The following YES1 variants were observed in gnomAD, a reference collection of about 807,000 sequenced individuals.
YES1 encodes the protein YES proto-oncogene 1, Src family tyrosine kinase.
Under a neutral mutation model 70.4 loss-of-function variants are expected in YES1, and 39 were observed. The ratio of observed to expected loss-of-function variants is 0.55; its 90% CI spans 0.43 to 0.72. YES1 has a LOEUF of 0.72. Among genes scored for constraint, YES1 ranks in the 30% least tolerant of loss-of-function variants. The pLI is 0.00. For missense variants in YES1, 495 were observed against 644.8 expected (o/e 0.77, Z 2.52); for synonymous variants, 198 against 218.6 (o/e 0.91, Z 0.83).
chr18:761,715 C>G (rs1246124158), intron 1 of YES1, among the ~76,000 whole-genome samples: 3 of 152,168 alleles, frequency 2.0e-5, no homozygotes, highest in Non-Finnish European at 2.9e-5. Context: ...TCCAATAACT[C>G]TAGGATAGCC....
At chr18:757,270 A>C (rs61052658) in intron 1 of YES1, among the ~76,000 whole-genome samples, 3 of 149,926 alleles carry the variant, frequency 2.0e-5, no homozygotes. Context: ...TTGGGAGGCC[A>C]AGGCGGGCGG....
At chr18:726,813 AAAT>A (rs61125455) in intron 11 of YES1, among the ~76,000 whole-genome samples, 242 of 141,772 alleles carry the variant, frequency 1.7e-3, no homozygotes, top group African/African-American at 6.0e-3. Context: ...AAAAAAAAAA[AAAT>A]TCACATGGTA....
chr18:808,838 G>A (rs1249156699), intron 1 of YES1, among the ~76,000 whole-genome samples: 11 of 152,172 alleles, frequency 7.2e-5, no homozygotes, highest in Non-Finnish European at 1.5e-4. Context: ...ATTGTCATTT[G>A]CCTTTTGAAC....
intron 1 of YES1, among the ~76,000 whole-genome samples, chr18:770,573 TA>T (rs781588650): frequency 2.6e-5 from 4 of 152,216 alleles, no homozygotes; most frequent in Non-Finnish European, 4.4e-5. Context: ...TCAGCTTCCA[TA>T]AATTCTGATC....
At chr18:750,588 T>C (rs373556410) in intron 3 of YES1, among the ~76,000 whole-genome samples, 17 of 152,224 alleles carry the variant, frequency 1.1e-4, no homozygotes, top group East Asian at 7.7e-4. Context: ...TTGAGAACCA[T>C]TGGTCTAAAA....
At chr18:785,207 T>C (rs112601504) in intron 1 of YES1, among the ~76,000 whole-genome samples, 8,623 of 152,052 alleles carry the variant, frequency 0.057, 340 homozygotes, top group East Asian at 0.13. Flanking sequence ...ATTTTATGTG[T>C]GGCCCAAGAT....
chr18:804,182 T>A (rs563218316), intron 1 of YES1, among the ~76,000 whole-genome samples: 16 of 152,332 alleles, frequency 1.1e-4, no homozygotes, highest in Non-Finnish European at 2.1e-4. Flanking sequence ...TAAATGTAAA[T>A]TTTGATGATA....
chr18:747,752 T>TA (rs2145719427), intron 4 of YES1, among the ~76,000 whole-genome samples, 168 bp downstream of exon 4: 1 of 152,338 alleles, frequency 6.6e-6, no homozygotes, highest in African/African-American at 2.4e-5. Flanking sequence ...TCTAAGTGAA[T>TA]AGTATGACAT....
intron 1 of YES1, among the ~76,000 whole-genome samples, chr18:788,284 G>A (rs1242263991): frequency 1.3e-5 from 2 of 152,054 alleles, no homozygotes; most frequent in African/African-American, 4.8e-5. Context: ...TACATGGGGA[G>A]CCTTTTAGCG....
rs944649564 is a variant in YES1, at chr18:736,951, C to T, written c.1148G>A (p.Gly383Asp). 6.2e-7 allele frequency: 1 copy of T among 1,605,566 alleles called. No individual in the cohort carries two copies. Among genetic ancestry groups the T allele is most frequent in the Non-Finnish European group, 8.5e-7 (1 of 1,178,774 alleles). The change falls in exon 10 of 12, where the codon GGT (glycine) becomes GAT (aspartate). Residue 383 changes from glycine to aspartate, a missense_variant. Physicochemically the swap from Gly to Asp is moderately conservative, Grantham distance 94. Around this residue, in one of 2 missense-constraint regions of YES1, gnomAD observed 385 missense variants for 540.9 expected, o/e 0.71. Transcript: ENST00000314574. The part of the protein sequence containing the change: ...LVDMAAQIAD[G>D]MAYIERMNYI... ...GTTCATTCTTTCAATATATGCCATA[C>T]CATCAGCAATCTTGGAAAGAGAAAA... is the stretch of plus-strand genomic sequence containing the variant.
intron 1 of YES1, among the ~76,000 whole-genome samples, chr18:773,541 A>C (rs535879700): frequency 2.3e-4 from 35 of 152,316 alleles, no homozygotes; most frequent in African/African-American, 7.9e-4. Flanking sequence ...ACGAATTAAA[A>C]GGCTGGTAAG....
At chr18:754,086 C>T (rs1001628435) in intron 2 of YES1, among the ~76,000 whole-genome samples, 3 of 152,158 alleles carry the variant, frequency 2.0e-5, no homozygotes, top group South Asian at 2.1e-4. Context: ...GCTTCTCTAC[C>T]ATCCATTCCC....
At position 736,962 on chromosome 18, in the gene YES1, C is replaced by A; in HGVS notation, c.1138-1G>T. On this transcript the variant is annotated splice_acceptor_variant, in intron 9 of 11. Transcript: ENST00000314574. LOFTEE classifies it high-confidence loss of function. ...CAATATATGCCATACCATCAGCAAT[C>A]TTGGAAAGAGAAAAACAAAAAACAC... The A allele has an allele frequency of 6.2e-7, 1 of 1,600,076 alleles. No individual in the cohort carries two copies. The highest frequency in any genetic ancestry group is 8.5e-7 in the Non-Finnish European group (1 of 1,177,022).
chr18:798,054 C>A (rs1906631609), intron 1 of YES1: 1 of 152,176 alleles, frequency 6.6e-6, no homozygotes, highest in South Asian at 2.1e-4. Flanking sequence ...TCACAGGGGT[C>A]AGCACAACCA....
intron 1 of YES1, among the ~76,000 whole-genome samples, chr18:801,103 G>A (rs1906796562): frequency 1.3e-5 from 2 of 152,090 alleles, no homozygotes; most frequent in South Asian, 2.1e-4. Context: ...CTGAGATCAC[G>A]TCACAGCACT....
In YES1 at chr18:723,001, A is replaced by G. The variant is rs1358541643; in HGVS notation, c.*1423T>C. 3.3e-5 allele frequency: 5 copies of G among 152,196 alleles called. No homozygotes were observed. The highest frequency in any genetic ancestry group is 9.7e-5 in the African/African-American group (4 of 41,448). 9.4% of individuals were successfully genotyped at this position (152,196 alleles called of 1,614,324 possible). On this transcript the variant is annotated 3_prime_UTR_variant, in exon 12 of 12. Transcript: ENST00000314574. Reference sequence around the variant, plus strand: ...CAGCTACTCGGGAGGCTGAGGCAGGAGAATGGTGTGAACCTGGGAGGCAGA... The same window carrying G: ...CAGCTACTCGGGAGGCTGAGGCAGGGGAATGGTGTGAACCTGGGAGGCAGA...
intron 1 of YES1, among the ~76,000 whole-genome samples, chr18:786,773 T>C (rs1371048707): frequency 6.6e-6 from 1 of 152,136 alleles, no homozygotes; most frequent in Non-Finnish European, 1.5e-5. Context: ...CCAAGGACCA[T>C]ATCTCTACCA....
chr18:761,384 G>C (rs1326788864), intron 1 of YES1, among the ~76,000 whole-genome samples: 1 of 152,148 alleles, frequency 6.6e-6, no homozygotes, highest in Non-Finnish European at 1.5e-5. Flanking sequence ...AACAGCAGTT[G>C]TATGAAGGAG....
At chr18:799,067 G>A (rs1248465465) in intron 1 of YES1, among the ~76,000 whole-genome samples, 2 of 152,090 alleles carry the variant, frequency 1.3e-5, no homozygotes, top group Non-Finnish European at 2.9e-5. Flanking sequence ...GTGTTAGTCC[G>A]TTGGACTAAC....
Sources: allele counts gnomAD v4.1 joint callset (sites outside exome capture counted in the v4.1 genomes callset), GRCh38; gene constraint gnomAD v4.1.1; regional missense constraint gnomAD v4.1.1; transcripts MANE v1.5; gene names NCBI Gene and HGNC (gene_info 2026-07-23, HGNC 2026-07-21).